Variants in ANXA10 observed in about 807,000 individuals in gnomAD.
ANXA10 encodes the protein annexin A10.
A neutral mutation model predicts 53.5 loss-of-function variants in ANXA10; 49 were observed. That is an observed-to-expected ratio of 0.92 (90% CI 0.73 to 1.16). The LOEUF (loss-of-function observed/expected upper bound fraction) is 1.16. Among genes scored for constraint, ANXA10 ranks in the 50% most tolerant of loss-of-function variants. ANXA10 has a pLI of 0.00. For synonymous variants in ANXA10, 131 were observed against 128.9 expected (o/e 1.02, Z -0.11); for missense variants, 393 against 394.4 (o/e 1.00, Z 0.03).
chr4:168,118,082 C>G (rs572368542), intron 1 of ANXA10, among the ~76,000 whole-genome samples: 1 of 151,792 alleles, frequency 6.6e-6, no homozygotes, highest in Non-Finnish European at 1.5e-5. Flanking sequence ...GTATCACTGC[C>G]GGAGATTCTT....
intron 5 of ANXA10, 149 bp downstream of exon 5, chr4:168,164,437 A>G: frequency 3.3e-6 from 2 of 614,064 alleles, no homozygotes; most frequent in Non-Finnish European, 5.6e-6. Context: ...CTCATTAGGT[A>G]AAACCGATTA....
At chr4:168,172,511 A>AAAG (rs1249188159) in intron 6 of ANXA10, among the ~76,000 whole-genome samples, 3 of 152,214 alleles carry the variant, frequency 2.0e-5, no homozygotes, top group African/African-American at 7.2e-5. Context: ...TCTGCTATCT[A>AAAG]AAGTTATTTC....
At chr4:168,162,195 G>A (rs552342393) in intron 3 of ANXA10, among the ~76,000 whole-genome samples, 1 of 152,178 alleles carries the variant, frequency 6.6e-6, no homozygotes, top group South Asian at 2.1e-4. Flanking sequence ...GAAAACTAAA[G>A]ACCCCCAATT....
At position 168,184,451 on chromosome 4, in the gene ANXA10, A is replaced by G. The variant is rs1009338802; in HGVS notation, c.784-108A>G. 2.2e-6 allele frequency: 3 copies of G among 1,335,762 alleles called. No individual in the cohort carries two copies. The African/African-American group carries it at 4.4e-5, about 20-fold the overall frequency. 82.7% of individuals were successfully genotyped at this position (1,335,762 alleles called of 1,614,324 possible). Reference sequence around the variant, plus strand: ...GGCCAGTGATGCCAGTGTTGGAAGAACTCAGGAAGAAGAGAAAATGACTAC... The same window carrying G: ...GGCCAGTGATGCCAGTGTTGGAAGAGCTCAGGAAGAAGAGAAAATGACTAC... On this transcript the variant is annotated intron_variant, in intron 10 of 11. Transcript: ENST00000359299.
chr4:168,153,981 TACACACACACAC>T (rs35992092), intron 3 of ANXA10, among the ~76,000 whole-genome samples: 1 of 149,246 alleles, frequency 6.7e-6, no homozygotes, highest in Non-Finnish European at 1.5e-5. Flanking sequence ...TAGCTATGTA[TACACACACACAC>T]ACACACACAC....
At chr4:168,165,883 G>C (rs935733213) in intron 6 of ANXA10, among the ~76,000 whole-genome samples, 1 of 152,040 alleles carries the variant, frequency 6.6e-6, no homozygotes, top group Non-Finnish European at 1.5e-5. Flanking sequence ...CACCATGTTG[G>C]CAAGGCTGGT....
At chr4:168,122,282 G>A (rs1730999529) in intron 1 of ANXA10, among the ~76,000 whole-genome samples, 1 of 152,172 alleles carries the variant, frequency 6.6e-6, no homozygotes, top group African/African-American at 2.4e-5. Context: ...AAATATAAGG[G>A]TAATAAGAGG....
intron 1 of ANXA10, among the ~76,000 whole-genome samples, chr4:168,097,074 A>T (rs961957795): frequency 1.7e-4 from 26 of 151,828 alleles, no homozygotes; most frequent in Non-Finnish European, 3.5e-4. Context: ...CATAATGTTT[A>T]TTTATAAGTA....
Position 168,141,959 on chromosome 4 carries a change from T to A in ANXA10, c.195+2379T>A, listed in dbSNP as rs143244130. Among the ~76,000 whole-genome samples the A allele has an allele frequency of 2.3e-3, 347 of 152,228 alleles. 2 individuals are homozygous for A. Among genetic ancestry groups the A allele is most frequent in the South Asian group, 1.7e-3 (8 of 4,820 alleles). ...GGCCAGGGGTTGGATACGAATTCTATCTAATGGCTGCACTGCTCATTACCA... is the reference window on the plus strand; with the variant it reads ...GGCCAGGGGTTGGATACGAATTCTAACTAATGGCTGCACTGCTCATTACCA... On this transcript the variant is annotated intron_variant, in intron 3 of 11. Transcript: ENST00000359299.
At chr4:168,148,482 T>C (rs946825121) in intron 3 of ANXA10, among the ~76,000 whole-genome samples, 1 of 152,216 alleles carries the variant, frequency 6.6e-6, no homozygotes, top group African/African-American at 2.4e-5. Context: ...TTTTTTAAAA[T>C]GAGTCAGTCT....
chr4:168,100,180 G>C (rs1478903309), intron 1 of ANXA10, among the ~76,000 whole-genome samples: 1 of 152,058 alleles, frequency 6.6e-6, no homozygotes, highest in Non-Finnish European at 1.5e-5. Flanking sequence ...CTTACATTTA[G>C]TCATGTTTTT....
chr4:168,173,845 T>C (rs537698186), intron 6 of ANXA10, among the ~76,000 whole-genome samples: 2 of 152,288 alleles, frequency 1.3e-5, no homozygotes, highest in South Asian at 4.1e-4. Context: ...TAATTGGTTT[T>C]TTACACTGTT....
At chr4:168,141,085 A>G (rs1408530466) in intron 3 of ANXA10, among the ~76,000 whole-genome samples, 4 of 152,228 alleles carry the variant, frequency 2.6e-5, no homozygotes, top group Non-Finnish European at 5.9e-5. Flanking sequence ...CTTACACTCA[A>G]GGAATTTAAA....
intron 3 of ANXA10, among the ~76,000 whole-genome samples, chr4:168,143,026 T>C (rs1731350121): frequency 6.6e-6 from 1 of 152,210 alleles, no homozygotes; most frequent in African/African-American, 2.4e-5. Flanking sequence ...AGGCATTATA[T>C]TCTGCCTATT....
intron 2 of ANXA10, among the ~76,000 whole-genome samples, chr4:168,129,885 T>C (rs1225630727): frequency 6.6e-6 from 1 of 152,174 alleles, no homozygotes; most frequent in African/African-American, 2.4e-5. Context: ...TGCATTCTTA[T>C]AACCATTTTT....
chr4:168,134,174 A>G (rs1421483182), intron 2 of ANXA10, among the ~76,000 whole-genome samples: 2 of 152,250 alleles, frequency 1.3e-5, no homozygotes, highest in South Asian at 2.1e-4. Flanking sequence ...AAGTGCAAAT[A>G]TAAGTAACTT....
intron 2 of ANXA10, 46 bp downstream of exon 2, chr4:168,128,211 C>A: frequency 6.5e-7 from 1 of 1,527,570 alleles, no homozygotes; most frequent in Non-Finnish European, 9.0e-7. Context: ...TTATTTTTTG[C>A]TTTACCTTGT....
At chr4:168,186,274 A>G (rs1414011630) in intron 11 of ANXA10, among the ~76,000 whole-genome samples, 1 of 152,246 alleles carries the variant, frequency 6.6e-6, no homozygotes, top group Non-Finnish European at 1.5e-5. Flanking sequence ...TTTGGAAAAT[A>G]TAGAAATTAT....
intron 1 of ANXA10, among the ~76,000 whole-genome samples, chr4:168,093,458 C>G (rs1730492608): frequency 6.6e-6 from 1 of 152,078 alleles, no homozygotes; most frequent in Non-Finnish European, 1.5e-5. Context: ...TTCACATGGT[C>G]TTGAAAATTA....
Sources: allele counts gnomAD v4.1 joint callset (sites outside exome capture counted in the v4.1 genomes callset), GRCh38; gene constraint gnomAD v4.1.1; transcripts MANE v1.5; gene names NCBI Gene and HGNC (gene_info 2026-07-23, HGNC 2026-07-21).